The following FBN2 variants were observed in gnomAD, a reference collection of about 807,000 sequenced individuals.
FBN2 encodes the protein fibrillin 2, also known as fibrillin-2.
Under a neutral mutation model 355.6 loss-of-function variants are expected in FBN2, and 105 were observed. That is an observed-to-expected ratio of 0.30 (90% CI 0.25 to 0.35). The LOEUF is 0.35. Ranked by LOEUF, FBN2 falls within the 10% of genes least tolerant of loss-of-function variation. The pLI is 1.00. For synonymous variants in FBN2, 1,350 were observed against 1,301.2 expected (o/e 1.04, Z -0.81); for missense variants, 3,280 against 3,758.7 (o/e 0.87, Z 3.33).
intron 6 of FBN2, among the ~76,000 whole-genome samples, chr5:128,463,508 T>C (rs1373703567): frequency 6.6e-6 from 1 of 152,190 alleles, no homozygotes; most frequent in Non-Finnish European, 1.5e-5. Context: ...GGTATCTCCG[T>C]AGTTCGGATT....
chr5:128,443,553 A>T (rs1753977880), intron 7 of FBN2, among the ~76,000 whole-genome samples: 1 of 152,162 alleles, frequency 6.6e-6, no homozygotes, highest in East Asian at 1.9e-4. Context: ...AGAAAATATC[A>T]ATAACATAAT....
rs769211487 is a variant in FBN2 at position 128,408,662 on chromosome 5, T to G, written c.1078+12A>C. Reference sequence around the variant, plus strand: ...GACCCAGTGTATTGAGCCTTCAAAATGCGAGGCTTACCGATGCATCGAGAG... The same window carrying G: ...GACCCAGTGTATTGAGCCTTCAAAAGGCGAGGCTTACCGATGCATCGAGAG... On this transcript the variant is annotated intron_variant, in intron 8 of 64. Transcript: ENST00000262464. 45 of 1,613,812 alleles carry G rather than the reference T, an allele frequency of 2.8e-5. No homozygotes were observed. Among genetic ancestry groups the G allele is most frequent in the Non-Finnish European group, 3.6e-5 (43 of 1,179,854 alleles).
chr5:128,521,475 C>A (rs1756433209), intron 4 of FBN2, among the ~76,000 whole-genome samples: 1 of 151,996 alleles, frequency 6.6e-6, no homozygotes, highest in South Asian at 2.1e-4. Flanking sequence ...CACACATTTA[C>A]CTATGTAACA....
At chr5:128,517,498 T>C (rs1314979295) in intron 5 of FBN2, among the ~76,000 whole-genome samples, 1 of 152,166 alleles carries the variant, frequency 6.6e-6, no homozygotes. Flanking sequence ...GGTAAAGACA[T>C]TTAAATTCAT....
At position 128,377,768 on chromosome 5, in the gene FBN2, A is replaced by G. The variant is rs924240363; in HGVS notation, c.1833T>C (p.Asp611=). The change falls in exon 13 of 65, where the codon GAT becomes GAC. Residue 611 remains aspartate, a synonymous_variant. Transcript: ENST00000262464. ...TTTCCATACCAACACAGTTTTTTCC[A>G]TCTGTAGTTAATTCAAAGCCGGCAT... The part of the protein sequence containing the change: ...ICNAGFELTT[D]GKNCVDHDEC... 2 of 1,613,390 alleles carry G rather than the reference A, an allele frequency of 1.2e-6. No homozygotes were observed. Among genetic ancestry groups the G allele is most frequent in the African/African-American group, 2.7e-5 (2 of 74,858 alleles).
intron 7 of FBN2, among the ~76,000 whole-genome samples, chr5:128,422,102 T>G (rs935033464): frequency 5.3e-5 from 8 of 152,196 alleles, no homozygotes; most frequent in African/African-American, 1.9e-4. Flanking sequence ...AAATGGACTG[T>G]ACCCTAGACA....
chr5:128,532,194 T>C (rs1466594875), intron 2 of FBN2, among the ~76,000 whole-genome samples: 1 of 152,136 alleles, frequency 6.6e-6, no homozygotes, highest in Non-Finnish European at 1.5e-5. Context: ...AATAATTCCC[T>C]CTCCTTCCTA....
intron 20 of FBN2, among the ~76,000 whole-genome samples, chr5:128,353,809 C>T (rs1243765501): frequency 2.0e-5 from 3 of 151,648 alleles, no homozygotes; most frequent in East Asian, 1.9e-4. Context: ...CCAGCTAGTA[C>T]AGTGTCAGCA....
chr5:128,281,842 C>T (rs1419867956), intron 55 of FBN2, among the ~76,000 whole-genome samples: 6 of 152,030 alleles, frequency 3.9e-5, no homozygotes, highest in Admixed American at 2.0e-4. Flanking sequence ...CCCGCCACCA[C>T]GCCCAGCTAA....
chr5:128,318,896 G>C lies in FBN2; in HGVS notation c.4577C>G (p.Thr1526Arg), dbSNP rs2126854542. 1 of 1,613,426 alleles carries C rather than the reference G, an allele frequency of 6.2e-7. No homozygotes were observed. The highest frequency in any genetic ancestry group is 1.1e-5 in the South Asian group (1 of 91,044). ...ICDDGYELDR[T>R]GGNCTDIDEC... ...GACCATACCTGTACAGTTCCCTCCT[G>C]TTCTGTCCAATTCATAACCATCATC... Residue 1526 changes from threonine to arginine, a missense_variant, in exon 35 of 65, where the codon ACA (threonine) becomes AGA (arginine). Physicochemically the swap from Thr to Arg is moderately conservative, Grantham distance 71 (BLOSUM62 -1). Transcript: ENST00000262464.
chr5:128,458,644 T>A (rs1025305925), intron 6 of FBN2, among the ~76,000 whole-genome samples: 1 of 152,014 alleles, frequency 6.6e-6, no homozygotes, highest in African/African-American at 2.4e-5. Context: ...ATTAAGAAAC[T>A]CAGTCAAAAC....
At chr5:128,463,866 T>C (rs1754625529) in intron 6 of FBN2, among the ~76,000 whole-genome samples, 1 of 152,172 alleles carries the variant, frequency 6.6e-6, no homozygotes, top group South Asian at 2.1e-4. Flanking sequence ...AAGTCTCAAA[T>C]ATGAATAATA....
chr5:128,290,614 A>C, intron 50 of FBN2, 118 bp downstream of exon 50: 2 of 1,049,268 alleles, frequency 1.9e-6, no homozygotes, highest in Non-Finnish European at 3.0e-6. Context: ...ATCAAAACTT[A>C]TATGCAAGGA....
intron 62 of FBN2, among the ~76,000 whole-genome samples, chr5:128,264,820 A>C (rs1239148025): frequency 6.6e-6 from 1 of 152,210 alleles, no homozygotes; most frequent in East Asian, 1.9e-4. Context: ...GAAGCGAGGG[A>C]TCTGCAGCAG....
chr5:128,377,949 T>C, intron 12 of FBN2, 72 bp from the exon 13 acceptor site: 1 of 1,428,420 alleles, frequency 7.0e-7, no homozygotes. Flanking sequence ...AGATAAGAAA[T>C]GGAATTTTAA....
chr5:128,311,987 C>A, intron 37 of FBN2, 34 bp from the exon 38 acceptor site: 1 of 1,452,494 alleles, frequency 6.9e-7, no homozygotes, highest in Non-Finnish European at 9.7e-7. Flanking sequence ...AGGTTTGATA[C>A]CTGTGTCCAA....
At chr5:128,472,091 A>G (rs554438043) in intron 5 of FBN2, among the ~76,000 whole-genome samples, 34 of 152,258 alleles carry the variant, frequency 2.2e-4, no homozygotes, top group Non-Finnish European at 3.7e-4. Context: ...ATTTGCAATA[A>G]CAAAAGATGG....
At chr5:128,411,700 G>A (rs968441333) in intron 7 of FBN2, among the ~76,000 whole-genome samples, 2 of 152,136 alleles carry the variant, frequency 1.3e-5, no homozygotes, top group African/African-American at 4.8e-5. Flanking sequence ...GGCAACATTC[G>A]GGCAGGAAAG....
chr5:128,383,699 A>T (rs1472278242), intron 11 of FBN2, among the ~76,000 whole-genome samples: 1 of 152,092 alleles, frequency 6.6e-6, no homozygotes, highest in Non-Finnish European at 1.5e-5. Context: ...TCATGAAAAG[A>T]TGGTCAACAT....
Sources: allele counts gnomAD v4.1 joint callset (sites outside exome capture counted in the v4.1 genomes callset), GRCh38; gene constraint gnomAD v4.1.1; transcripts MANE v1.5; gene names NCBI Gene and HGNC (gene_info 2026-07-23, HGNC 2026-07-21).